WWOX: variants seen among roughly 807,000 people sequenced by gnomAD.
WWOX encodes WW domain-containing oxidoreductase.
A neutral mutation model predicts 46.2 loss-of-function variants in WWOX; 69 were observed. The ratio of observed to expected loss-of-function variants is 1.49; its 90% CI spans 1.23 to 1.82. WWOX has a LOEUF of 1.82. Among genes scored for constraint, WWOX ranks in the 40% most tolerant of loss-of-function variants. The probability of loss-of-function intolerance (pLI) is 0.00; values close to 1 mark genes in which losing one functional copy is unlikely to be tolerated. For missense variants in WWOX, 919 were observed against 542.6 expected (o/e 1.69, Z -6.89); for synonymous variants, 359 against 202.6 (o/e 1.77, Z -6.56).
intron 8 of WWOX, chr16:78,496,404 T>C (rs2084919892): frequency 3.3e-5 from 5 of 152,244 alleles, no homozygotes; most frequent in Admixed American, 2.6e-4. Flanking sequence ...GTGTTGACCT[T>C]ATTGGAGAAT....
At chr16:79,207,500 A>G (rs1025251101) in intron 8 of WWOX, among the ~76,000 whole-genome samples, 3 of 152,194 alleles carry the variant, frequency 2.0e-5, no homozygotes, top group African/African-American at 4.8e-5. Flanking sequence ...TACTTTTTGC[A>G]TAAGTGGATT....
intron 5 of WWOX, among the ~76,000 whole-genome samples, chr16:78,183,671 C>T (rs951895122): frequency 3.3e-5 from 5 of 152,146 alleles, no homozygotes; most frequent in Admixed American, 6.5e-5. Context: ...CTCACTGAGC[C>T]GAAATCTCCT....
chr16:78,266,793 T>TCTCTCTCTCC (rs2079372176), intron 5 of WWOX, among the ~76,000 whole-genome samples: 1 of 115,050 alleles, frequency 8.7e-6, no homozygotes, highest in African/African-American at 3.9e-5. Context: ...TTCTATTCTC[T>TCTCTCTCTCC]CTCTCTCTCT....
At chr16:79,084,703 G>T (rs765332575) in intron 8 of WWOX, among the ~76,000 whole-genome samples, 3 of 144,494 alleles carry the variant, frequency 2.1e-5, no homozygotes, top group Non-Finnish European at 4.6e-5. Context: ...ATGAGCCACC[G>T]CACCTGGAGG....
At position 78,582,989 on chromosome 16, in the gene WWOX, G is replaced by A. The variant is rs995300368; in HGVS notation, c.1056+150237G>A. Among the ~76,000 whole-genome samples, 6 of 152,300 alleles carry A rather than the reference G, an allele frequency of 3.9e-5. No individual in the cohort carries two copies. In the East Asian group the frequency reaches 7.7e-4, roughly 20 times the overall value. ...ACAGAGTGCATGTTGTCAAATGCGCGTTTAATCTTCTTAAGCTCAACTTCA... is the reference window on the plus strand; with the variant it reads ...ACAGAGTGCATGTTGTCAAATGCGCATTTAATCTTCTTAAGCTCAACTTCA... On this transcript the variant is annotated intron_variant, in intron 8 of 8. Transcript: ENST00000566780.
chr16:79,032,994 C>T (rs1337943849), intron 8 of WWOX, among the ~76,000 whole-genome samples: 1 of 151,432 alleles, frequency 6.6e-6, no homozygotes, highest in Admixed American at 6.6e-5. Flanking sequence ...CATTTAGTTC[C>T]CACTTATAAG....
At chr16:78,265,602 T>C (rs1005856374) in intron 5 of WWOX, among the ~76,000 whole-genome samples, 28 of 150,910 alleles carry the variant, frequency 1.9e-4, no homozygotes, top group Non-Finnish European at 3.4e-4. Context: ...TGCTTGAGTC[T>C]GGGAGGCGGA....
chr16:78,177,921 A>G (rs1156365263), intron 5 of WWOX, among the ~76,000 whole-genome samples: 2 of 152,222 alleles, frequency 1.3e-5, no homozygotes, highest in African/African-American at 4.8e-5. Flanking sequence ...ACGTCCATCC[A>G]CGGAGCCTCA....
intron 8 of WWOX, among the ~76,000 whole-genome samples, chr16:79,163,430 C>G (rs56351196): frequency 2.0e-5 from 3 of 152,116 alleles, no homozygotes; most frequent in East Asian, 3.9e-4. Flanking sequence ...ACTCTGAGCT[C>G]TATAAGAGAT....
rs142386965 is a variant in WWOX, at chr16:78,997,900, G to C, written c.1057-213708G>C. Among the ~76,000 whole-genome samples, 259 of 151,950 alleles carry C rather than the reference G, an allele frequency of 1.7e-3. 1 individual carries two copies. The highest frequency in any genetic ancestry group is 6.0e-3 in the African/African-American group (250 of 41,456). Reference sequence around the variant, plus strand: ...ACATTCTTTCTTTTTTTTTTAGACAGAGTTTCACCCTTATTGCCTAGGCTG... The same window carrying C: ...ACATTCTTTCTTTTTTTTTTAGACACAGTTTCACCCTTATTGCCTAGGCTG... On this transcript the variant is annotated intron_variant, in intron 8 of 8. Coordinates refer to ENST00000566780, the MANE Select transcript of WWOX (RefSeq NM_016373.4).
chr16:78,768,087 C>A (rs572059399), intron 8 of WWOX, among the ~76,000 whole-genome samples: 110 of 151,540 alleles, frequency 7.3e-4, no homozygotes, highest in Middle Eastern at 6.8e-3. Flanking sequence ...GTATTGTATT[C>A]TTATTATGTG....
chr16:79,169,790 T>G lies in WWOX; in HGVS notation c.1057-41818T>G, dbSNP rs184020020. Among the ~76,000 whole-genome samples, 102 of 152,314 alleles carry G rather than the reference T, an allele frequency of 6.7e-4. 1 individual carries two copies. Among genetic ancestry groups the G allele is most frequent in the African/African-American group, 2.3e-3 (95 of 41,574 alleles). On this transcript the variant is annotated intron_variant, in intron 8 of 8. Coordinates refer to ENST00000566780, the MANE Select transcript of WWOX (RefSeq NM_016373.4). ...TTTTGTCACTCTAGGGACTACCCTT[T>G]TCCTCCCCAGACGTTTTTCCTGACT...
At chr16:78,566,720 T>G (rs1321803908) in intron 8 of WWOX, among the ~76,000 whole-genome samples, 1 of 152,130 alleles carries the variant, frequency 6.6e-6, no homozygotes, top group African/African-American at 2.4e-5. Context: ...GACACCAAAG[T>G]GGGCTTTACT....
intron 8 of WWOX, among the ~76,000 whole-genome samples, chr16:78,982,117 G>C (rs964215035): frequency 1.4e-5 from 2 of 147,702 alleles, no homozygotes; most frequent in South Asian, 4.9e-4. Flanking sequence ...CGTGGGGTTT[G>C]TATTCCTTCT....
intron 8 of WWOX, among the ~76,000 whole-genome samples, chr16:78,894,573 A>G (rs1473918647): frequency 1.3e-5 from 2 of 152,030 alleles, no homozygotes; most frequent in East Asian, 3.9e-4. Flanking sequence ...TCAACTGGAG[A>G]TGGTTGTCTT....
In WWOX at chr16:78,589,077, C is replaced by G. The variant is rs75499649; in HGVS notation, c.1056+156325C>G. Among the ~76,000 whole-genome samples the G allele has an allele frequency of 2.5e-3, 376 of 152,312 alleles. 2 individuals carry two copies. Among genetic ancestry groups the G allele is most frequent in the African/African-American group, 8.7e-3 (363 of 41,558 alleles). The stretch of plus-strand genomic sequence containing the variant: ...CTTATCAGTTACCTGTAGATTCTCC[C>G]ACTGTTGTACTTGTTTCTCCCTCAA... On this transcript the variant is annotated intron_variant, in intron 8 of 8. Transcript: ENST00000566780.
Position 79,088,875 on chromosome 16 carries a change from G to A in WWOX, c.1057-122733G>A, listed in dbSNP as rs2048901283. 2.0e-5 allele frequency among the ~76,000 whole-genome samples: 3 copies of A among 152,160 alleles called. No homozygotes were observed. The South Asian group carries it at 6.2e-4, about 32-fold the overall frequency. ...TGACCCTCATCCTTTAAAGCTTACTGAACATATTGATCACCTCTTTTCCAA... is the reference window on the plus strand; with the variant it reads ...TGACCCTCATCCTTTAAAGCTTACTAAACATATTGATCACCTCTTTTCCAA... On this transcript the variant is annotated intron_variant, in intron 8 of 8. Transcript: ENST00000566780.
intron 8 of WWOX, among the ~76,000 whole-genome samples, chr16:78,937,778 C>T (rs1473518441): frequency 6.6e-6 from 1 of 151,872 alleles, no homozygotes; most frequent in African/African-American, 2.4e-5. Flanking sequence ...GCACATGCCA[C>T]CATGCCTGGC....
intron 8 of WWOX, among the ~76,000 whole-genome samples, chr16:78,664,358 G>C (rs914739914): frequency 1.3e-5 from 2 of 152,214 alleles, no homozygotes; most frequent in African/African-American, 2.4e-5. Context: ...TGCTGCGTGA[G>C]TGATGTGGAA....
Sources: allele counts gnomAD v4.1 joint callset (sites outside exome capture counted in the v4.1 genomes callset), GRCh38; gene constraint gnomAD v4.1.1; transcripts MANE v1.5; gene names NCBI Gene and HGNC (gene_info 2026-07-23, HGNC 2026-07-21).